The following AGAP1 variants were observed in gnomAD, a reference collection of about 807,000 sequenced individuals.
AGAP1 encodes ArfGAP with GTPase domain, ankyrin repeat and PH domain 1.
A neutral mutation model predicts 105.3 loss-of-function variants in AGAP1; 29 were observed. The observed-to-expected ratio is 0.28, with a 90% CI of 0.21 to 0.38. AGAP1 has a LOEUF of 0.38. Ranked by LOEUF, AGAP1 falls within the 10% of genes least tolerant of loss-of-function variation. AGAP1 has a pLI of 1.00. For missense variants in AGAP1, 998 were observed against 1,165.1 expected (o/e 0.86, Z 2.09); for synonymous variants, 509 against 485.9 (o/e 1.05, Z -0.63).
rs372718570 is a variant in AGAP1 at position 235,744,809 on chromosome 2, G to A, written c.508G>A (p.Glu170Lys). ...AATGGCCAACTATCGGAACACGAGC[G>A]AGATTCCTCTGGTTCTGGTGGGAAC... ...SRMANYRNTSEIPLVLVGTQD... is the reference protein window; with the variant it reads ...SRMANYRNTSKIPLVLVGTQD... The change falls in exon 5 of 18, where the codon GAG (glutamate) becomes AAG (lysine). Residue 170 changes from glutamate to lysine, a missense_variant. By Grantham distance (56) the Glu-to-Lys change is moderately conservative (BLOSUM62 1). Coordinates refer to ENST00000304032, the MANE Select transcript of AGAP1 (RefSeq NM_001037131.3). The surrounding 1 kb of genome is among the most constrained non-coding windows in gnomAD (Gnocchi z 5.2). The A allele has an allele frequency of 5.0e-6, 8 of 1,614,050 alleles. No homozygotes were observed. Among genetic ancestry groups the A allele is most frequent in the Non-Finnish European group, 3.4e-6 (4 of 1,180,026 alleles).
At chr2:235,763,090 T>TG (rs1199146223) in intron 6 of AGAP1, among the ~76,000 whole-genome samples, 5 of 131,374 alleles carry the variant, frequency 3.8e-5, no homozygotes, top group African/African-American at 1.3e-4. Flanking sequence ...CTGCCGTGTT[T>TG]GAAAAAAATG....
rs1944077905 is a variant in AGAP1 at position 235,559,427 on chromosome 2, A to G, written c.163+64578A>G. ...CGCTGGTGGGTGCTTGCCGTGTGCC[A>G]GTGATTGATTGACGTTAGTGTCGGT... On this transcript the variant is annotated intron_variant, in intron 1 of 17. Transcript: ENST00000304032. This position sits in a 1 kb window ranked among gnomAD's most constrained non-coding sequence, Gnocchi z 5.7. Among the ~76,000 whole-genome samples, 1 of 152,218 alleles carries G rather than the reference A, an allele frequency of 6.6e-6. No individual in the cohort carries two copies. The highest frequency in any genetic ancestry group is 6.5e-5 in the Admixed American group (1 of 15,282).
At chr2:235,516,076 G>GCTT (rs1942371918) in intron 1 of AGAP1, among the ~76,000 whole-genome samples, 3 of 140,312 alleles carry the variant, frequency 2.1e-5, no homozygotes, top group South Asian at 4.7e-4. Context: ...TGCTGCTGCT[G>GCTT]CTGCTGCTGC....
At chr2:236,094,239 G>T (rs1473244532) in intron 16 of AGAP1, among the ~76,000 whole-genome samples, 1 of 151,252 alleles carries the variant, frequency 6.6e-6, no homozygotes, top group African/African-American at 2.4e-5. Context: ...AGGATTGCTC[G>T]AGCCCAGGAT....
At chr2:236,028,066 G>A (rs2057110875) in intron 13 of AGAP1, among the ~76,000 whole-genome samples, 3 of 152,184 alleles carry the variant, frequency 2.0e-5, no homozygotes, top group African/African-American at 7.2e-5. Flanking sequence ...TGAGTCTGGG[G>A]TTGCAGTTGG....
chr2:235,559,085 A>T lies in AGAP1; in HGVS notation c.163+64236A>T, dbSNP rs556155622. ...CTACAGGCATGCGCCACTACACCCGACTAATATTTTGTATTCGTGTGTGTG... is the reference window on the plus strand; with the variant it reads ...CTACAGGCATGCGCCACTACACCCGTCTAATATTTTGTATTCGTGTGTGTG... On this transcript the variant is annotated intron_variant, in intron 1 of 17. Coordinates refer to ENST00000304032, the MANE Select transcript of AGAP1 (RefSeq NM_001037131.3). The surrounding 1 kb of genome is among the most constrained non-coding windows in gnomAD (Gnocchi z 5.7). Among the ~76,000 whole-genome samples the T allele has an allele frequency of 6.6e-6, 1 of 152,130 alleles. No individual in the cohort carries two copies. Among genetic ancestry groups the T allele is most frequent in the Admixed American group, 6.6e-5 (1 of 15,266 alleles).
At position 235,824,056 on chromosome 2, in the gene AGAP1, C is replaced by T. The variant is rs1051842995; in HGVS notation, c.1050+16725C>T. Among the ~76,000 whole-genome samples, 10 of 152,172 alleles carry T rather than the reference C, an allele frequency of 6.6e-5. No individual in the cohort carries two copies. The highest frequency in any genetic ancestry group is 6.5e-5 in the Admixed American group (1 of 15,280). ...CACATTGAAGGGCCTTATGTAGCACCGAGCTCCCAGTATGTAACTTAACTT... is the reference window on the plus strand; with the variant it reads ...CACATTGAAGGGCCTTATGTAGCACTGAGCTCCCAGTATGTAACTTAACTT... On this transcript the variant is annotated intron_variant, in intron 9 of 17. Transcript: ENST00000304032. The surrounding 1 kb of genome is among the most constrained non-coding windows in gnomAD (Gnocchi z 5.2).
chr2:235,632,434 C>T (rs1371045028), intron 1 of AGAP1, among the ~76,000 whole-genome samples: 1 of 152,212 alleles, frequency 6.6e-6, no homozygotes, highest in Non-Finnish European at 1.5e-5. Flanking sequence ...CCCTGTTTCG[C>T]CACGTCCATT....
chr2:235,658,011 A>G (rs141041069), intron 1 of AGAP1, among the ~76,000 whole-genome samples: 82 of 151,654 alleles, frequency 5.4e-4, no homozygotes, highest in African/African-American at 1.6e-3. Context: ...TCGGCCTTCT[A>G]GGCTCCAGAA....
intron 1 of AGAP1, among the ~76,000 whole-genome samples, chr2:235,510,650 C>T (rs1339977458): frequency 6.6e-5 from 10 of 152,122 alleles, no homozygotes; most frequent in Admixed American, 6.5e-4. Flanking sequence ...TGATTTTACT[C>T]TCCCGCCGGC....
At chr2:235,785,839 T>C (rs1451438794) in intron 6 of AGAP1, among the ~76,000 whole-genome samples, 1 of 152,198 alleles carries the variant, frequency 6.6e-6, no homozygotes, top group East Asian at 1.9e-4. Flanking sequence ...TGCACTTATC[T>C]TAGGTCTTTC....
At chr2:235,731,897 A>G (rs143459681) in intron 3 of AGAP1, among the ~76,000 whole-genome samples, 327 of 152,266 alleles carry the variant, frequency 2.1e-3, no homozygotes, top group African/African-American at 7.5e-3. Context: ...TATCTCTCCT[A>G]CAACCTGAGC....
rs992160560 is a variant in AGAP1, at chr2:236,121,994, C to A, written c.2370+1547C>A. 2.0e-5 allele frequency among the ~76,000 whole-genome samples: 3 copies of A among 150,560 alleles called. No individual in the cohort carries two copies. The highest frequency in any genetic ancestry group is 7.3e-5 in the African/African-American group (3 of 40,888). On this transcript the variant is annotated intron_variant, in intron 17 of 17. Coordinates refer to ENST00000304032, the MANE Select transcript of AGAP1 (RefSeq NM_001037131.3). This position sits in a 1 kb window ranked among gnomAD's most constrained non-coding sequence, Gnocchi z 4.9. ...TGGGACAAAGTCTTGCTCTGTCGTC[C>A]AGGCTGGAGTGCAGTGGCACAATCA...
chr2:235,956,068 G>A (rs576895763), intron 12 of AGAP1, among the ~76,000 whole-genome samples: 155 of 152,258 alleles, frequency 1.0e-3, no homozygotes, highest in African/African-American at 2.6e-3. Context: ...TCTGCAAGAC[G>A]CATTCAGTCT....
chr2:235,765,270 G>T (rs1954845370), intron 6 of AGAP1, among the ~76,000 whole-genome samples: 1 of 134,630 alleles, frequency 7.4e-6, no homozygotes, highest in Admixed American at 7.4e-5. Context: ...GAGCGTCCGT[G>T]GGGGTGGGGG....
intron 12 of AGAP1, 81 bp from the exon 13 acceptor site, chr2:235,968,381 T>G: frequency 6.7e-7 from 1 of 1,499,730 alleles, no homozygotes. Context: ...AGCGTGGCTG[T>G]GCTGTTTCTG....
At chr2:235,673,626 A>G (rs762140646) in intron 1 of AGAP1, among the ~76,000 whole-genome samples, 7 of 152,216 alleles carry the variant, frequency 4.6e-5, no homozygotes, top group Non-Finnish European at 1.0e-4. Flanking sequence ...TTTGCCAGCC[A>G]TTTATGAAAA....
chr2:235,613,303 A>G (rs1946200494), intron 1 of AGAP1, among the ~76,000 whole-genome samples: 1 of 152,174 alleles, frequency 6.6e-6, no homozygotes, highest in African/African-American at 2.4e-5. Flanking sequence ...GCCACATTTA[A>G]TATTATTTAC....
intron 6 of AGAP1, among the ~76,000 whole-genome samples, chr2:235,773,397 A>G (rs1434514826): frequency 6.6e-6 from 1 of 152,212 alleles, no homozygotes; most frequent in Admixed American, 6.5e-5. Context: ...GGCTGAAGCA[A>G]AGTTACAAAG....
Sources: gnomAD v4.1 joint callset for allele counts (sites outside exome capture counted in the v4.1 genomes callset) on GRCh38, gnomAD v4.1.1 for gene constraint, Gnocchi (gnomAD v3.1) non-coding constraint, MANE v1.5 for transcripts, NCBI Gene and HGNC (gene_info 2026-07-23, HGNC 2026-07-21) for gene names.